The following B9D1 variants were observed in gnomAD, a reference collection of about 807,000 sequenced individuals.
The protein encoded by B9D1 is B9 domain containing 1, also known as B9 domain-containing protein 1.
Under a neutral mutation model 26.1 loss-of-function variants are expected in B9D1, and 20 were observed. That is an observed-to-expected ratio of 0.77 (90% confidence interval 0.54 to 1.12). The LOEUF (loss-of-function observed/expected upper bound fraction) is 1.12, where lower values mean the gene tolerates loss of function less well. Among genes scored for constraint, B9D1 ranks in the 50% most tolerant of loss-of-function variants. The pLI is 0.00. For missense variants in B9D1, 260 were observed against 273.7 expected (o/e 0.95, Z 0.35); for synonymous variants, 105 against 103.1 (o/e 1.02, Z -0.11).
In B9D1 at chr17:19,347,514, G is replaced by C. The variant is rs1908990765; in HGVS notation, c.342-183C>G. Among the ~76,000 whole-genome samples the C allele has an allele frequency of 6.6e-6, 1 of 152,208 alleles. No individual in the cohort carries two copies. Among genetic ancestry groups the C allele is most frequent in the Non-Finnish European group, 1.5e-5 (1 of 68,036 alleles). On this transcript the variant is annotated intron_variant, in intron 4 of 6. Transcript: ENST00000261499. This position sits in a 1 kb window ranked among gnomAD's most constrained non-coding sequence, Gnocchi z 4.3. ...TGTCTGGGCAAGGTGCTGAGCGCCA[G>C]GAGACAGCCTCATGGAGGTCAGAGT... is the stretch of plus-strand genomic sequence containing the variant.
chr17:19,377,892 C>G (rs555796483), exon 1 of B9D1: 1 of 985,418 alleles, frequency 1.0e-6, no homozygotes, highest in African/African-American at 1.7e-5. Flanking sequence ...TGCAGTCCAA[C>G]TTGGCCGGAA....
At chr17:19,353,176 A>T (rs1420456274) in intron 3 of B9D1, among the ~76,000 whole-genome samples, 4 of 148,768 alleles carry the variant, frequency 2.7e-5, no homozygotes, top group Non-Finnish European at 5.9e-5. Flanking sequence ...GGGTTTCACC[A>T]TGTTGGCCAG....
chr17:19,335,100 T>C (rs539497657), downstream of B9D1: 11 of 216,286 alleles, frequency 5.1e-5, no homozygotes, highest in Non-Finnish European at 8.2e-5. Flanking sequence ...AAATGCCTTA[T>C]TGAAAAACTA....
chr17:19,350,181 T>C (rs1479263415), intron 3 of B9D1, among the ~76,000 whole-genome samples: 1 of 149,926 alleles, frequency 6.7e-6, no homozygotes. Context: ...GAGGCTGAGG[T>C]GGCAGATCAC....
chr17:19,356,666 G>C (rs1910400016), intron 3 of B9D1, among the ~76,000 whole-genome samples: 1 of 152,166 alleles, frequency 6.6e-6, no homozygotes, highest in African/African-American at 2.4e-5. Flanking sequence ...GTCTTGATCA[G>C]TCTCTCAATC....
chr17:19,357,552 T>C (rs545194175), intron 3 of B9D1: 1 of 463,840 alleles, frequency 2.2e-6, no homozygotes, highest in South Asian at 2.0e-5. Context: ...CAGTCCTGCA[T>C]GCCAGGGTGG....
intron 3 of B9D1, among the ~76,000 whole-genome samples, chr17:19,349,673 TGCCTG>T (rs1397694359): frequency 1.3e-5 from 2 of 152,350 alleles, no homozygotes; most frequent in South Asian, 2.1e-4. Context: ...TGAGTCACCT[TGCCTG>T]GCCTGGCCTT....
chr17:19,352,812 C>A (rs1403236230), intron 3 of B9D1, among the ~76,000 whole-genome samples: 2 of 151,690 alleles, frequency 1.3e-5, no homozygotes, highest in African/African-American at 4.8e-5. Context: ...TGAGCCACTG[C>A]GCCCAGCCTA....
At chr17:19,341,395 G>T (rs1907946012), downstream of B9D1, 16 of 1,107,854 alleles carry the variant, frequency 1.4e-5, no homozygotes, top group Non-Finnish European at 1.8e-5. Context: ...GTCGTCCCAT[G>T]ACACGTGGGG....
intron 3 of B9D1, among the ~76,000 whole-genome samples, chr17:19,354,643 A>C (rs1910082090): frequency 1.3e-5 from 2 of 151,608 alleles, no homozygotes; most frequent in African/African-American, 4.9e-5. Flanking sequence ...GCCTGGCCAA[A>C]ATGGTGAAAC....
Position 19,377,870 on chromosome 17 carries a change from G to A in B9D1, c.-309C>T, listed in dbSNP as rs78367046. ...CGGAGGGAAGATACCTAGAAGCCAG[G>A]AAACCGCGAGCTGCAGTCCAACTTG... is the stretch of plus-strand genomic sequence containing the variant. On this transcript the variant is annotated 5_prime_UTR_variant, in exon 1 of 6. Coordinates refer to the B9D1 transcript ENST00000477478. 916 of 985,430 alleles carry A rather than the reference G, an allele frequency of 9.3e-4. 43 individuals are homozygous for A. In the East Asian group the frequency reaches 0.079, roughly 86 times the overall value. The allele number at this position is 985,430 out of a possible 1,614,324, so 61.0% of individuals were successfully genotyped here.
intron 3 of B9D1, among the ~76,000 whole-genome samples, chr17:19,349,163 T>C (rs1909264021): frequency 6.6e-6 from 1 of 152,222 alleles, no homozygotes; most frequent in African/African-American, 2.4e-5. Flanking sequence ...CACGAAAACA[T>C]GGCATTACCA....
chr17:19,338,310 A>T (rs1907627243), downstream of B9D1, among the ~76,000 whole-genome samples: 1 of 152,140 alleles, frequency 6.6e-6, no homozygotes, highest in African/African-American at 2.4e-5. Context: ...CCTTTTTTGT[A>T]TTCCCTTGGC....
downstream of B9D1, chr17:19,341,188 G>A: frequency 3.2e-6 from 4 of 1,231,496 alleles, 1 homozygote; most frequent in South Asian, 4.1e-5. Flanking sequence ...GGACAAATGG[G>A]GCCTGAGGCT....
rs774007316 is a variant in B9D1 at position 19,343,832 on chromosome 17, AC to A, written c.429del (p.Glu143AspfsTer16). ...TGAGCCACCACCTTGGGGTCTGTGT[AC>A]TCGGGCCGCCGCCCCATGAACCAGC... is the stretch of plus-strand genomic sequence containing the variant. Reference protein sequence around the residue: ...FTSWFMGRRPEYTDPKVVAQG... With the variant: ...FTSWFMGRRPXYTDPKVVAQG... On this transcript the variant is annotated frameshift_variant, in exon 6 of 7. Transcript: ENST00000261499. LOFTEE classifies it high-confidence loss of function. 3 of 1,613,868 alleles carry A rather than the reference AC, an allele frequency of 1.9e-6. No individual in the cohort carries two copies. Among genetic ancestry groups the A allele is most frequent in the Admixed American group, 1.7e-5 (1 of 59,992 alleles).
chr17:19,342,934 T>G, downstream of B9D1: 2 of 343,934 alleles, frequency 5.8e-6, no homozygotes, highest in Non-Finnish European at 4.6e-6. Context: ...CCCAGTTAGT[T>G]CAAGGAACAA....
Position 19,348,284 on chromosome 17 carries a change from G to C in B9D1, c.245-404C>G, listed in dbSNP as rs77428436. On this transcript the variant is annotated intron_variant, in intron 3 of 6. Coordinates refer to ENST00000261499, the MANE Select transcript of B9D1 (RefSeq NM_015681.6). ...GCGGGCTCATGGGACTGAGGTGGCA[G>C]GGGCTCATTTTGGGGGTGTCTAGAA... Among the ~76,000 whole-genome samples, 989 of 152,310 alleles carry C rather than the reference G, an allele frequency of 6.5e-3. 53 individuals are homozygous for C. In the East Asian group the frequency reaches 0.12, roughly 18 times the overall value.
intron 1 of B9D1, chr17:19,377,840 A>G: frequency 1.0e-6 from 1 of 985,426 alleles, no homozygotes; most frequent in African/African-American, 1.7e-5. Flanking sequence ...GGACAGACAA[A>G]CGAGCGGAGG....
At chr17:19,337,255 C>T (rs931077530), downstream of B9D1, among the ~76,000 whole-genome samples, 3 of 121,956 alleles carry the variant, frequency 2.5e-5, no homozygotes, top group Admixed American at 1.6e-4. Flanking sequence ...AACAGCTGAC[C>T]GACAGAGGGC....
Sources: gnomAD v4.1 joint callset for allele counts (sites outside exome capture counted in the v4.1 genomes callset) on GRCh38, gnomAD v4.1.1 for gene constraint, Gnocchi (gnomAD v3.1) non-coding constraint, MANE v1.5 for transcripts, NCBI Gene and HGNC (gene_info 2026-07-23, HGNC 2026-07-21) for gene names.